The following KALRN variants were observed in gnomAD, a reference collection of about 807,000 sequenced individuals.
The protein encoded by KALRN is kalirin RhoGEF kinase, also known as kalirin.
A neutral mutation model predicts 353.7 loss-of-function variants in KALRN; 70 were observed. The ratio of observed to expected loss-of-function variants is 0.20; its 90% confidence interval spans 0.16 to 0.24. The LOEUF is 0.24. Among genes scored for constraint, KALRN ranks in the 10% least tolerant of loss-of-function variants. The pLI is 1.00. For synonymous variants in KALRN, 1,391 were observed against 1,434.8 expected (o/e 0.97, Z 0.69); for missense variants, 2,791 against 3,756.7 (o/e 0.74, Z 6.72).
At chr3:124,704,050 G>C (rs1438179022) in intron 57 of KALRN, among the ~76,000 whole-genome samples, 5 of 152,274 alleles carry the variant, frequency 3.3e-5, no homozygotes, top group Admixed American at 3.3e-4. Flanking sequence ...ACTAGGAGGT[G>C]TGGAGCCAGG....
chr3:124,094,797 C>T (rs757342107), intron 1 of KALRN: 18 of 1,581,754 alleles, frequency 1.1e-5, no homozygotes, highest in Non-Finnish European at 1.4e-5. Context: ...GGATGAGGCT[C>T]TGCCGAGGGG....
At chr3:124,241,979 A>G (rs372472012) in intron 3 of KALRN, among the ~76,000 whole-genome samples, 10 of 152,338 alleles carry the variant, frequency 6.6e-5, no homozygotes, top group African/African-American at 2.2e-4. Flanking sequence ...AAGATGTAGA[A>G]ACACATAGTC....
In KALRN at chr3:124,291,685, C is replaced by T. The variant is rs142491104; in HGVS notation, c.970-7106C>T. 1.3e-3 allele frequency among the ~76,000 whole-genome samples: 198 copies of T among 152,274 alleles called. 1 individual carries two copies. The highest frequency in any genetic ancestry group is 4.3e-3 in the African/African-American group (178 of 41,564). ...CCGTAGCATGTTTACAGATCAGAGA[C>T]GTGGCCTGGTCAGTGAGATGTTTGG... On this transcript the variant is annotated intron_variant, in intron 5 of 59. Transcript: ENST00000682506.
At chr3:124,260,439 G>T (rs1580180891) in intron 3 of KALRN, among the ~76,000 whole-genome samples, 1 of 152,208 alleles carries the variant, frequency 6.6e-6, no homozygotes, top group East Asian at 1.9e-4. Flanking sequence ...GAACACCCCA[G>T]CTCACACATT....
In KALRN at chr3:124,319,611, A is replaced by T. The variant is rs192791402; in HGVS notation, c.1093-6369A>T. 2.4e-3 allele frequency among the ~76,000 whole-genome samples: 361 copies of T among 148,882 alleles called. 1 individual carries two copies. Among genetic ancestry groups the T allele is most frequent in the African/African-American group, 7.5e-3 (309 of 40,964 alleles). ...TATATATAAAATATATATACCAAAA[A>T]TTTTTTTAACTTTTCTATACATAAG... is the stretch of plus-strand genomic sequence containing the variant. On this transcript the variant is annotated intron_variant, in intron 6 of 59. Coordinates refer to ENST00000682506, the MANE Select transcript of KALRN (RefSeq NM_001388419.1).
chr3:124,470,456 C>T (rs2060774925), intron 25 of KALRN, among the ~76,000 whole-genome samples: 1 of 152,112 alleles, frequency 6.6e-6, no homozygotes, highest in African/African-American at 2.4e-5. Flanking sequence ...TTACTTTCAA[C>T]ATTTACATTG....
chr3:124,527,663 T>C (rs1021761100), intron 33 of KALRN, among the ~76,000 whole-genome samples: 1 of 151,350 alleles, frequency 6.6e-6, no homozygotes, highest in African/African-American at 2.4e-5. Context: ...TAGGAGCAAG[T>C]AGGAACTCTC....
intron 1 of KALRN, among the ~76,000 whole-genome samples, chr3:124,065,763 T>G (rs573212902): frequency 1.3e-5 from 2 of 152,326 alleles, no homozygotes; most frequent in East Asian, 1.9e-4. Flanking sequence ...AGGTTCCTAC[T>G]GCACAGGGTT....
At chr3:124,601,939 T>A (rs1298313469) in intron 34 of KALRN, among the ~76,000 whole-genome samples, 1 of 150,274 alleles carries the variant, frequency 6.7e-6, no homozygotes, top group Non-Finnish European at 1.5e-5. Context: ...GGGGGGAGTA[T>A]GGCTTGAGTG....
At chr3:124,165,269 C>T (rs2070651469) in intron 1 of KALRN, among the ~76,000 whole-genome samples, 1 of 151,946 alleles carries the variant, frequency 6.6e-6, no homozygotes, top group African/African-American at 2.4e-5. Context: ...TTTTTAGGGC[C>T]CTTCAAATTA....
At chr3:124,488,537 G>A in intron 29 of KALRN, 1 of 514,128 alleles carries the variant, frequency 1.9e-6, no homozygotes, top group Non-Finnish European at 3.5e-6. Context: ...GCCACTGGAG[G>A]TTATGTGGAC....
intron 58 of KALRN, 129 bp from the exon 59 acceptor site, chr3:124,717,118 G>A: frequency 1.4e-6 from 1 of 739,978 alleles, no homozygotes; most frequent in Non-Finnish European, 2.1e-6. Context: ...TGCATGTGTT[G>A]CACATTTGGT....
intron 25 of KALRN, among the ~76,000 whole-genome samples, chr3:124,466,237 C>T (rs1376991259): frequency 3.3e-5 from 5 of 152,160 alleles, no homozygotes; most frequent in East Asian, 1.9e-4. Flanking sequence ...AATGATACTT[C>T]GTTTTGCCCT....
At chr3:124,635,350 C>T (rs1198542070) in intron 36 of KALRN, among the ~76,000 whole-genome samples, 1 of 152,150 alleles carries the variant, frequency 6.6e-6, no homozygotes, top group Non-Finnish European at 1.5e-5. Context: ...AGGTCACCAC[C>T]TTCTCTCTCT....
intron 10 of KALRN, among the ~76,000 whole-genome samples, chr3:124,361,366 T>C (rs1212894620): frequency 6.6e-6 from 1 of 152,234 alleles, no homozygotes; most frequent in East Asian, 1.9e-4. Context: ...TAACTAACAG[T>C]TGCTAATACT....
At chr3:124,652,381 T>C (rs2083511898) in intron 38 of KALRN, among the ~76,000 whole-genome samples, 1 of 152,224 alleles carries the variant, frequency 6.6e-6, no homozygotes, top group South Asian at 2.1e-4. Flanking sequence ...GTAAATGGAA[T>C]AGAGGTTGAT....
intron 10 of KALRN, among the ~76,000 whole-genome samples, chr3:124,356,097 C>T (rs546114498): frequency 2.0e-5 from 3 of 152,032 alleles, no homozygotes; most frequent in South Asian, 4.2e-4. Context: ...TCTGTTTCTC[C>T]TTCCCTTTGT....
intron 36 of KALRN, among the ~76,000 whole-genome samples, chr3:124,636,706 A>G (rs184142954): frequency 1.4e-5 from 2 of 144,038 alleles, no homozygotes; most frequent in East Asian, 4.5e-4. Flanking sequence ...TGCCCCTAGC[A>G]TTTTTGCTGG....
chr3:124,099,092 C>T (rs571801405), intron 1 of KALRN, among the ~76,000 whole-genome samples: 21 of 152,280 alleles, frequency 1.4e-4, no homozygotes, highest in Admixed American at 5.9e-4. Flanking sequence ...TCACCTCGAA[C>T]GTTTCTTATT....
Sources: allele counts gnomAD v4.1 joint callset (sites outside exome capture counted in the v4.1 genomes callset), GRCh38; gene constraint gnomAD v4.1.1; transcripts MANE v1.5; gene names NCBI Gene and HGNC (gene_info 2026-07-23, HGNC 2026-07-21).